The following CAPZA2 variants were observed in gnomAD, a reference collection of about 807,000 sequenced individuals.
CAPZA2 encodes F-actin-capping protein subunit alpha-2.
CAPZA2 carries 13 observed loss-of-function variants against 44.0 expected under a neutral mutation model. That is an observed-to-expected ratio of 0.30 (90% CI 0.19 to 0.47). The LOEUF is 0.47. CAPZA2 is among the 20% of genes least tolerant of loss of function. The pLI is 1.00. For synonymous variants in CAPZA2, 94 were observed against 108.2 expected (o/e 0.87, Z 0.81); for missense variants, 244 against 338.6 (o/e 0.72, Z 2.19).
chr7:116,890,565 T>A (rs866259954), intron 2 of CAPZA2, among the ~76,000 whole-genome samples: 20 of 12,542 alleles, frequency 1.6e-3, no homozygotes, highest in East Asian at 6.9e-3. Context: ...TATATATATA[T>A]ATACACATAT....
At chr7:116,912,568 A>G (rs1289063449) in intron 8 of CAPZA2, among the ~76,000 whole-genome samples, 1 of 152,170 alleles carries the variant, frequency 6.6e-6, no homozygotes. Context: ...TGGACATTTG[A>G]TATAAATGTA....
intron 1 of CAPZA2, chr7:116,875,226 G>A (rs572934322): frequency 6.6e-6 from 1 of 151,984 alleles, no homozygotes; most frequent in East Asian, 1.9e-4. Context: ...GGATTCCAAA[G>A]AAGGTTGAAT....
At chr7:116,880,155 T>C (rs1796673150) in intron 1 of CAPZA2, 1 of 466,384 alleles carries the variant, frequency 2.1e-6, no homozygotes, top group Middle Eastern at 3.3e-4. Flanking sequence ...AAGGTAAATA[T>C]ATTTAACCAT....
chr7:116,916,244 C>T (rs1333878493), intron 9 of CAPZA2, 122 bp downstream of exon 9: 1 of 978,620 alleles, frequency 1.0e-6, no homozygotes. Flanking sequence ...TGTTGTGTGT[C>T]TGCTTTTAAC....
intron 1 of CAPZA2, among the ~76,000 whole-genome samples, chr7:116,877,568 T>A (rs1304314441): frequency 1.3e-5 from 2 of 152,244 alleles, no homozygotes; most frequent in Non-Finnish European, 2.9e-5. Flanking sequence ...GAGTGCTTGC[T>A]CTGTGCCAAG....
chr7:116,907,912 T>C (rs1485007823), intron 6 of CAPZA2, among the ~76,000 whole-genome samples: 16 of 152,226 alleles, frequency 1.1e-4, no homozygotes, highest in African/African-American at 3.6e-4. Context: ...TGCTTTGATA[T>C]GATTTTTCCA....
At chr7:116,880,740 A>C (rs1403680646) in intron 1 of CAPZA2, among the ~76,000 whole-genome samples, 1 of 39,342 alleles carries the variant, frequency 2.5e-5, no homozygotes, top group Non-Finnish European at 5.0e-5. Flanking sequence ...TTTTTGAGAC[A>C]GTCTTGCTCT....
At chr7:116,893,163 C>T (rs1037334528) in intron 3 of CAPZA2, 118 bp downstream of exon 3, 3 of 545,320 alleles carry the variant, frequency 5.5e-6, no homozygotes, top group Non-Finnish European at 9.5e-6. Context: ...TGGAGTCTCA[C>T]TCTGTCGTCC....
intron 1 of CAPZA2, among the ~76,000 whole-genome samples, chr7:116,868,364 T>A (rs888667804): frequency 6.6e-6 from 1 of 152,246 alleles, no homozygotes; most frequent in Non-Finnish European, 1.5e-5. Context: ...CCTCAGTGAC[T>A]GGCTTCAGAA....
intron 8 of CAPZA2, among the ~76,000 whole-genome samples, chr7:116,915,021 T>C (rs946551730): frequency 6.6e-6 from 1 of 152,124 alleles, no homozygotes; most frequent in African/African-American, 2.4e-5. Context: ...CTCACGTCTG[T>C]AATCCTATCA....
chr7:116,917,489 C>CCTCGTGATCCGCCCACCTCAG (rs1444067815), intron 9 of CAPZA2, among the ~76,000 whole-genome samples: 99 of 152,258 alleles, frequency 6.5e-4, no homozygotes, highest in African/African-American at 2.3e-3. Flanking sequence ...GATCTCCTGA[C>CCTCGTGATCCGCCCACCTCAG]CTCGTGATCC....
intron 2 of CAPZA2, chr7:116,888,839 A>AAAAC: frequency 6.6e-6 from 1 of 152,128 alleles, no homozygotes. Context: ...CAAAAAAACA[A>AAAAC]AAACAAACAA....
chr7:116,873,568 T>C (rs1796578988), intron 1 of CAPZA2: 1 of 153,692 alleles, frequency 6.5e-6, no homozygotes, highest in Non-Finnish European at 1.5e-5. Flanking sequence ...TGTTGCCAAA[T>C]GTTCAGCAAA....
chr7:116,863,269 C>T (rs1251930388), intron 1 of CAPZA2, among the ~76,000 whole-genome samples: 1 of 152,136 alleles, frequency 6.6e-6, no homozygotes, highest in South Asian at 2.1e-4. Flanking sequence ...CCTTTCGTGG[C>T]TCTAGCAGTA....
chr7:116,888,380 G>A, intron 2 of CAPZA2, 190 bp downstream of exon 2: 1 of 433,314 alleles, frequency 2.3e-6, no homozygotes, highest in Non-Finnish European at 4.1e-6. Context: ...TGATGATTCT[G>A]TTAGCAAATT....
At position 116,918,192 on chromosome 7, in the gene CAPZA2, T is replaced by C. The variant is rs1464834966; in HGVS notation, c.*325T>C. On this transcript the variant is annotated 3_prime_UTR_variant, in exon 10 of 10. Transcript: ENST00000361183. ...ATTTTACTAACTGTAACCCTAAAAT[T>C]GATGTCTTTTGGTTTATGAAATCAG... 1 of 203,504 alleles carries C rather than the reference T, an allele frequency of 4.9e-6. No homozygotes were observed. Among genetic ancestry groups the C allele is most frequent in the African/African-American group, 2.3e-5 (1 of 43,408 alleles). 12.6% of individuals were successfully genotyped at this position (203,504 alleles called of 1,614,324 possible).
rs1291351853 is a variant in CAPZA2, at chr7:116,918,460, C to T, written c.*593C>T. ...TGAACTAAATTTTTTTTAAACAAGG[C>T]AAGGTCTAATGCTGTTTTGAGATTC... is the stretch of plus-strand genomic sequence containing the variant. On this transcript the variant is annotated 3_prime_UTR_variant, in exon 10 of 10. Coordinates refer to ENST00000361183, the MANE Select transcript of CAPZA2 (RefSeq NM_006136.3). The T allele has an allele frequency of 6.5e-6, 1 of 152,708 alleles. No homozygotes were observed. The highest frequency in any genetic ancestry group is 1.9e-4 in the East Asian group (1 of 5,194). 9.5% of individuals were successfully genotyped at this position (152,708 alleles called of 1,614,324 possible).
chr7:116,870,923 G>A (rs1181066557), intron 1 of CAPZA2, among the ~76,000 whole-genome samples: 1 of 152,206 alleles, frequency 6.6e-6, no homozygotes, highest in East Asian at 1.9e-4. Context: ...AGGATACACA[G>A]CTGGGAGGAA....
chr7:116,905,961 A>G (rs1167263016), intron 5 of CAPZA2, among the ~76,000 whole-genome samples: 1 of 152,238 alleles, frequency 6.6e-6, no homozygotes, highest in Admixed American at 6.5e-5. Context: ...CTGTATGTTT[A>G]AAATAAATTA....
Sources: allele counts gnomAD v4.1 joint callset (sites outside exome capture counted in the v4.1 genomes callset), GRCh38; gene constraint gnomAD v4.1.1; transcripts MANE v1.5; gene names NCBI Gene and HGNC (gene_info 2026-07-23, HGNC 2026-07-21).